Variants in PRPF6 observed in about 807,000 individuals in gnomAD.
The protein encoded by PRPF6 is pre-mRNA processing factor 6, also known as pre-mRNA-processing factor 6.
A neutral mutation model predicts 118.3 loss-of-function variants in PRPF6; 42 were observed. The observed-to-expected ratio is 0.35, with a 90% CI of 0.28 to 0.46. PRPF6 has a LOEUF of 0.46. Ranked by LOEUF, PRPF6 falls within the 20% of genes least tolerant of loss-of-function variation. The probability of loss-of-function intolerance (pLI) is 1.00; values close to 1 mark genes in which losing one functional copy is unlikely to be tolerated. For missense variants in PRPF6, 662 were observed against 1,255.7 expected (o/e 0.53, Z 7.15); for synonymous variants, 481 against 485.1 (o/e 0.99, Z 0.11).
chr20:64,009,065 A>G (rs2059202875), intron 9 of PRPF6, among the ~76,000 whole-genome samples: 1 of 151,968 alleles, frequency 6.6e-6, no homozygotes, highest in Non-Finnish European at 1.5e-5. Context: ...CGGGCGGATC[A>G]TGTGGTCAAG....
At chr20:64,013,670 C>A (rs141283080) in intron 11 of PRPF6, among the ~76,000 whole-genome samples, 1 of 152,084 alleles carries the variant, frequency 6.6e-6, no homozygotes, top group African/African-American at 2.4e-5. Flanking sequence ...AAACTCCTGG[C>A]CTTAAGCAAT....
In PRPF6 at chr20:63,983,227, C is replaced by G; in HGVS notation, c.240+12C>G. The G allele has an allele frequency of 6.2e-7, 1 of 1,614,156 alleles. No homozygotes were observed. The highest frequency in any genetic ancestry group is 8.5e-7 in the Non-Finnish European group (1 of 1,180,044). On this transcript the variant is annotated intron_variant, in intron 2 of 20. Transcript: ENST00000266079. Reference sequence around the variant, plus strand: ...CCAATTACGATGAGGTGAGATGTGTCCGGCTTTCGTGGCTCCTCCAGCCAG... The same window carrying G: ...CCAATTACGATGAGGTGAGATGTGTGCGGCTTTCGTGGCTCCTCCAGCCAG...
rs1440215781 is a variant in PRPF6, at chr20:64,033,060, G to C, written c.*67G>C. On this transcript the variant is annotated 3_prime_UTR_variant, in exon 21 of 21. Coordinates refer to ENST00000266079, the MANE Select transcript of PRPF6 (RefSeq NM_012469.4). The stretch of plus-strand genomic sequence containing the variant: ...GCCGCATGTGGAAGGGCTCTGAGCT[G>C]TGTCCTCCTTCATTAAAAGTTTTTA... The C allele has an allele frequency of 3.1e-6, 5 of 1,598,962 alleles. No individual in the cohort carries two copies. Among genetic ancestry groups the C allele is most frequent in the African/African-American group, 1.3e-5 (1 of 74,712 alleles).
Position 64,029,255 on chromosome 20 carries a change from G to A in PRPF6, c.2432-122G>A, listed in dbSNP as rs903441005. The A allele has an allele frequency of 4.8e-6, 4 of 835,484 alleles. No individual in the cohort carries two copies. Among genetic ancestry groups the A allele is most frequent in the African/African-American group, 3.3e-5 (2 of 60,194 alleles). 51.8% of individuals were successfully genotyped at this position (835,484 alleles called of 1,614,324 possible). ...GGTTCTCCTTGCACAAGTTCTGCGA[G>A]CCGTGTGTGGGAGGCCCCTGTCGTG... On this transcript the variant is annotated intron_variant, in intron 18 of 20. Transcript: ENST00000266079. This position sits in a 1 kb window ranked among gnomAD's most constrained non-coding sequence, Gnocchi z 4.8.
At chr20:63,999,459 G>A in intron 7 of PRPF6, 144 bp from the exon 8 acceptor site, 2 of 1,118,822 alleles carry the variant, frequency 1.8e-6, no homozygotes, top group Non-Finnish European at 2.7e-6. Flanking sequence ...AGTGCGCACT[G>A]AGGTTTTGAG....
At chr20:64,021,115 A>G (rs2059260441) in intron 12 of PRPF6, among the ~76,000 whole-genome samples, 2 of 152,240 alleles carry the variant, frequency 1.3e-5, no homozygotes, top group East Asian at 1.9e-4. Flanking sequence ...AAAGAAACCA[A>G]TATGTTTGAT....
Position 64,026,776 on chromosome 20 carries a change from G to A in PRPF6, c.2029-206G>A, listed in dbSNP as rs1049171955. Among the ~76,000 whole-genome samples the A allele has an allele frequency of 2.6e-5, 4 of 152,054 alleles. No individual in the cohort carries two copies. Among genetic ancestry groups the A allele is most frequent in the African/African-American group, 9.7e-5 (4 of 41,376 alleles). On this transcript the variant is annotated intron_variant, in intron 15 of 20. Transcript: ENST00000266079. The surrounding 1 kb of genome is among the most constrained non-coding windows in gnomAD (Gnocchi z 4.4). ...GATCGTGCCACTGCACTCCAGCCTG[G>A]GTGACAGAGCGAGACTCTATCTCAA... is the stretch of plus-strand genomic sequence containing the variant.
chr20:64,008,099 T>C (rs2059198719), intron 9 of PRPF6, among the ~76,000 whole-genome samples: 1 of 152,190 alleles, frequency 6.6e-6, no homozygotes, highest in Non-Finnish European at 1.5e-5. Context: ...TTTCTTAACA[T>C]CATTAAATGT....
chr20:63,985,179 C>G (rs1400424856), intron 3 of PRPF6, among the ~76,000 whole-genome samples, 154 bp downstream of exon 3: 1 of 151,856 alleles, frequency 6.6e-6, no homozygotes, highest in Non-Finnish European at 1.5e-5. Context: ...GTGTGGGCAA[C>G]GTAGGGAGAC....
chr20:64,032,816 C>T (rs1285032518), intron 20 of PRPF6, 25 bp from the exon 21 acceptor site: 2 of 1,592,654 alleles, frequency 1.3e-6, no homozygotes, highest in South Asian at 1.1e-5. Context: ...GGACCCCTGC[C>T]TGACGTGCCC....
chr20:63,982,140 C>T (rs1299608981), intron 1 of PRPF6, among the ~76,000 whole-genome samples: 2 of 151,948 alleles, frequency 1.3e-5, no homozygotes, highest in African/African-American at 4.8e-5. Context: ...CTCCTGGAGA[C>T]GTTAGAAAGA....
intron 9 of PRPF6, among the ~76,000 whole-genome samples, chr20:64,001,628 C>G (rs570723428): frequency 1.3e-5 from 2 of 152,310 alleles, no homozygotes; most frequent in East Asian, 3.9e-4. Context: ...CGTGCAGACC[C>G]GTTGTGGGTG....
At chr20:63,997,414 C>T (rs533244807) in intron 6 of PRPF6, among the ~76,000 whole-genome samples, 199 of 151,616 alleles carry the variant, frequency 1.3e-3, no homozygotes, top group South Asian at 2.1e-3. Context: ...CCTGAGCCTC[C>T]CAAGTAGCTG....
chr20:63,992,419 G>A (rs1027095354), intron 3 of PRPF6, among the ~76,000 whole-genome samples: 1 of 151,996 alleles, frequency 6.6e-6, no homozygotes, highest in Admixed American at 6.6e-5. Flanking sequence ...GCGCCACCAC[G>A]CCTGGCTAAT....
chr20:64,010,177 G>A, intron 9 of PRPF6, 23 bp from the exon 10 acceptor site: 1 of 1,597,140 alleles, frequency 6.3e-7, no homozygotes. Flanking sequence ...CTGTGACGTG[G>A]TTTCTCGTTT....
In PRPF6 at chr20:64,009,258, C is replaced by A. The variant is rs140610609; in HGVS notation, c.1187-942C>A. Among the ~76,000 whole-genome samples the A allele has an allele frequency of 2.0e-4, 24 of 118,570 alleles. No individual in the cohort carries two copies. In the Admixed American group the frequency reaches 2.8e-3, roughly 14 times the overall value. 77.8% of individuals were successfully genotyped at this position (118,570 alleles called of 152,430 possible). On this transcript the variant is annotated intron_variant, in intron 9 of 20. Coordinates refer to ENST00000266079, the MANE Select transcript of PRPF6 (RefSeq NM_012469.4). ...ATCACGCCACTGCACTCCAGCCTGG[C>A]GACAGAGCGAGACTCCATCGCAAAA...
chr20:64,025,294 C>T (rs1004881501), intron 14 of PRPF6, among the ~76,000 whole-genome samples: 2 of 152,176 alleles, frequency 1.3e-5, no homozygotes, highest in African/African-American at 4.8e-5. Flanking sequence ...GTCCCCTCCA[C>T]CTGCCCGCTC....
At chr20:64,003,669 C>T (rs1002286632) in intron 9 of PRPF6, among the ~76,000 whole-genome samples, 1 of 152,222 alleles carries the variant, frequency 6.6e-6, no homozygotes, top group African/African-American at 2.4e-5. Context: ...GACCTCGGCT[C>T]TCTGCAAGCT....
chr20:63,999,037 T>A lies in PRPF6; in HGVS notation c.772-8T>A. On this transcript the variant is annotated splice_polypyrimidine_tract_variant and splice_region_variant and intron_variant, in intron 6 of 20. Coordinates refer to ENST00000266079, the MANE Select transcript of PRPF6 (RefSeq NM_012469.4). Reference sequence around the variant, plus strand: ...TCCAGCTGACTCTTAGCTTGGCCTGTCTCACAGGTGTCTGACTCCGTGAGT... The same window carrying A: ...TCCAGCTGACTCTTAGCTTGGCCTGACTCACAGGTGTCTGACTCCGTGAGT... 1.9e-6 allele frequency: 3 copies of A among 1,610,620 alleles called. No homozygotes were observed. Among genetic ancestry groups the A allele is most frequent in the Non-Finnish European group, 2.5e-6 (3 of 1,177,382 alleles).
Sources: allele counts gnomAD v4.1 joint callset (sites outside exome capture counted in the v4.1 genomes callset), GRCh38; gene constraint gnomAD v4.1.1; non-coding constraint Gnocchi (gnomAD v3.1); transcripts MANE v1.5; gene names NCBI Gene and HGNC (gene_info 2026-07-23, HGNC 2026-07-21).